The following ANXA8 variants were observed in gnomAD, a reference collection of about 807,000 sequenced individuals.
ANXA8 encodes the protein annexin A8.
A neutral mutation model predicts 26.8 loss-of-function variants in ANXA8; 9 were observed. The ratio of observed to expected loss-of-function variants is 0.34; its 90% CI spans 0.20 to 0.59. The LOEUF is 0.59. Among genes scored for constraint, ANXA8 ranks in the 20% least tolerant of loss-of-function variants. ANXA8 has a pLI of 0.84. For synonymous variants in ANXA8, 39 were observed against 94.8 expected, an observed-to-expected ratio of 0.41 and a Z score of 3.42; for missense variants, 83 against 238.5, an observed-to-expected ratio of 0.35 and a Z score of 4.29.
At chr10:47,954,048 C>T in the ANXA8 span, among the ~76,000 whole-genome samples, 2 of 150,784 alleles carry the variant, frequency 1.3e-5, no homozygotes, top group Non-Finnish European at 2.9e-5. Flanking sequence ...AGGTAAATAC[C>T]CAAAAGAAAG....
At chr10:47,986,358 T>C in the ANXA8 span, 6 of 190,996 alleles carry the variant, frequency 3.1e-5, no homozygotes, top group African/African-American at 7.2e-5. Flanking sequence ...TGTTGAGTTA[T>C]AGGAATTCTT....
the ANXA8 span, among the ~76,000 whole-genome samples, chr10:47,688,662 T>G: frequency 2.0e-5 from 3 of 150,952 alleles, no homozygotes; most frequent in Non-Finnish European, 2.9e-5. Context: ...CCTCAAGTGA[T>G]CCACCCCCTT....
At chr10:47,487,027 G>T (rs1453152960), upstream of ANXA8, among the ~76,000 whole-genome samples, 13 of 150,910 alleles carry the variant, frequency 8.6e-5, no homozygotes, top group African/African-American at 3.2e-4. Context: ...GAAGGGACTT[G>T]AAATGTACCC....
At chr10:47,519,484 AAG>A in the ANXA8 span, among the ~76,000 whole-genome samples, 109 of 127,042 alleles carry the variant, frequency 8.6e-4, 1 homozygote, top group African/African-American at 3.1e-3. Flanking sequence ...AAAAAAAAAA[AAG>A]AGTGTGGTAC....
At chr10:47,570,654 T>C in the ANXA8 span, among the ~76,000 whole-genome samples, 16 of 150,534 alleles carry the variant, frequency 1.1e-4, no homozygotes, top group South Asian at 3.4e-3. Flanking sequence ...TGATGGTGCA[T>C]GGCTGTGGTC....
At chr10:47,572,746 G>T in the ANXA8 span, among the ~76,000 whole-genome samples, 1 of 144,652 alleles carries the variant, frequency 6.9e-6, no homozygotes. Context: ...AAAAAAAGAA[G>T]AACGTATCTG....
the ANXA8 span, among the ~76,000 whole-genome samples, chr10:47,911,376 CAGCTGTCCCA>C: frequency 6.8e-6 from 1 of 147,168 alleles, no homozygotes; most frequent in Non-Finnish European, 1.5e-5. Context: ...AAAGTTTCAT[CAGCTGTCCCA>C]AGATACACAG....
the ANXA8 span, among the ~76,000 whole-genome samples, chr10:47,515,752 G>T: frequency 4.3e-5 from 6 of 139,768 alleles, no homozygotes; most frequent in Non-Finnish European, 7.7e-5. Flanking sequence ...AAAATTGGGA[G>T]ATCCTTCTCA....
chr10:47,734,789 C>T, the ANXA8 span, among the ~76,000 whole-genome samples: 2 of 133,246 alleles, frequency 1.5e-5, no homozygotes. Context: ...GAGGCTGAGG[C>T]GGGCAGATCA....
At chr10:47,959,835 G>A in the ANXA8 span, among the ~76,000 whole-genome samples, 6 of 150,982 alleles carry the variant, frequency 4.0e-5, no homozygotes, top group Non-Finnish European at 8.8e-5. Context: ...ATATGGTGCT[G>A]TGCCCGCTTC....
the ANXA8 span, among the ~76,000 whole-genome samples, chr10:47,495,053 A>ACCACCTCTCCTCTCTCTCTCTCTC: frequency 4.7e-5 from 7 of 148,790 alleles, no homozygotes; most frequent in Non-Finnish European, 4.4e-5. Flanking sequence ...TGAGCGAATA[A>ACCACCTCTCCTCTCTCTCTCTCTC]CCACCTCTCC....
chr10:47,530,773 AAC>A, the ANXA8 span, among the ~76,000 whole-genome samples: 14 of 131,852 alleles, frequency 1.1e-4, no homozygotes, highest in African/African-American at 3.1e-4. Flanking sequence ...CCAAATACCA[AAC>A]ACACAAAAAT....
the ANXA8 span, among the ~76,000 whole-genome samples, chr10:47,568,552 GTT>G: frequency 7.3e-4 from 17 of 23,146 alleles, 3 homozygotes; most frequent in African/African-American, 2.6e-3. Context: ...TATGAGTCTT[GTT>G]TTTTTTTTTT....
At chr10:47,696,384 T>C in the ANXA8 span, 165 of 1,192,652 alleles carry the variant, frequency 1.4e-4, 18 homozygotes, top group Middle Eastern at 1.9e-3. Context: ...ATGATCAGAA[T>C]GTTTTTTTCT....
chr10:47,706,005 G>GA, the ANXA8 span, among the ~76,000 whole-genome samples: 3 of 147,388 alleles, frequency 2.0e-5, no homozygotes, highest in East Asian at 2.3e-4. Context: ...GCGTGTTGTG[G>GA]GGGGGGAGGG....
chr10:47,589,903 T>TGATAGATAGATAGATAGATA, the ANXA8 span, among the ~76,000 whole-genome samples: 1 of 125,664 alleles, frequency 8.0e-6, no homozygotes. Flanking sequence ...GATAGATAGA[T>TGATAGATAGATAGATAGATA]GATAGATAGA....
the ANXA8 span, among the ~76,000 whole-genome samples, chr10:47,548,506 G>T: frequency 6.6e-6 from 1 of 152,172 alleles, no homozygotes; most frequent in Non-Finnish European, 1.5e-5. Context: ...TCTGCATGTT[G>T]GTCAGGCTGG....
chr10:47,470,486 A>G (rs1176798491), intron 11 of ANXA8, among the ~76,000 whole-genome samples: 1 of 117,376 alleles, frequency 8.5e-6, no homozygotes, highest in Admixed American at 9.1e-5. Context: ...CTCAAGTGAA[A>G]CCAAGAATAA....
the ANXA8 span, among the ~76,000 whole-genome samples, chr10:47,527,574 A>G: frequency 6.7e-6 from 1 of 149,042 alleles, no homozygotes; most frequent in Non-Finnish European, 1.5e-5. Flanking sequence ...CTCGACATGT[A>G]TTATCCCAAT....
Sources: gnomAD v4.1 joint callset for allele counts (sites outside exome capture counted in the v4.1 genomes callset) on GRCh38, gnomAD v4.1.1 for gene constraint, MANE v1.5 for transcripts, NCBI Gene and HGNC (gene_info 2026-07-23, HGNC 2026-07-21) for gene names.